CEMIP2: variants seen among roughly 807,000 people sequenced by gnomAD.
CEMIP2 encodes the protein cell surface hyaluronidase CEMIP2.
CEMIP2 carries 79 observed loss-of-function variants against 146.9 expected under a neutral mutation model. That is an observed-to-expected ratio of 0.54 (90% CI 0.45 to 0.65). The LOEUF is 0.65. Among genes scored for constraint, CEMIP2 ranks in the 30% least tolerant of loss-of-function variants. CEMIP2 has a pLI of 0.00. For synonymous variants in CEMIP2, 601 were observed against 606.3 expected (o/e 0.99, Z 0.13); for missense variants, 1,596 against 1,696.2 (o/e 0.94, Z 1.04).
chr9:71,727,080 G>A (rs890217871), intron 10 of CEMIP2, among the ~76,000 whole-genome samples: 4 of 152,144 alleles, frequency 2.6e-5, no homozygotes, highest in African/African-American at 4.8e-5. Context: ...AGCTTTTACC[G>A]GAACAGTTTT....
At chr9:71,721,271 ATTCT>A (rs1823223571) in intron 12 of CEMIP2, among the ~76,000 whole-genome samples, 1 of 152,146 alleles carries the variant, frequency 6.6e-6, no homozygotes, top group East Asian at 1.9e-4. Context: ...TCTAGATAGA[ATTCT>A]TTATTTGCCA....
At chr9:71,739,969 G>C in intron 5 of CEMIP2, 94 bp downstream of exon 5, 1 of 1,170,282 alleles carries the variant, frequency 8.5e-7, no homozygotes, top group Non-Finnish European at 1.2e-6. Context: ...TAACCAGGCG[G>C]ACTGTCATTT....
Position 71,686,062 on chromosome 9 carries a change from C to T in CEMIP2, c.3852-216G>A, listed in dbSNP as rs554461740. On this transcript the variant is annotated intron_variant, in intron 22 of 23. Transcript: ENST00000377044. The stretch of plus-strand genomic sequence containing the variant: ...TTGCTCTTACAAGGGGTAACGCATA[C>T]ATAAACCAAATCATTTACGTACGTT... 9.7e-6 allele frequency: 5 copies of T among 514,580 alleles called. No homozygotes were observed. In the Admixed American group the frequency reaches 1.0e-4, roughly 10 times the overall value. The allele number at this position is 514,580 out of a possible 1,614,324, so 31.9% of individuals were successfully genotyped here. A position where few individuals can be genotyped will look rare whatever the true frequency, so the allele number is the denominator to read the frequency against.
intron 5 of CEMIP2, 63 bp downstream of exon 5, chr9:71,740,000 A>G (rs1400480820): frequency 2.7e-5 from 35 of 1,297,104 alleles, no homozygotes; most frequent in Admixed American, 4.7e-5. Flanking sequence ...CTATTCTTAG[A>G]AAAAAAAAAT....
At position 71,694,572 on chromosome 9, in the gene CEMIP2, G is replaced by A; in HGVS notation, c.3633C>T (p.Leu1211=). ...TATCAGGTGACTGGAATTGCACAGG[G>A]AGGTAACTTTTATGAGGATCACTAG... ...VFTSDPHKSY[L]PVQFQSPDKA... Residue 1211 remains leucine (L), a synonymous_variant, in exon 21 of 24, where the codon CTC becomes CTT. Coordinates refer to ENST00000377044, the MANE Select transcript of CEMIP2 (RefSeq NM_013390.3). 2 of 1,613,930 alleles carry A rather than the reference G, an allele frequency of 1.2e-6. No homozygotes were observed. Among genetic ancestry groups the A allele is most frequent in the East Asian group, 4.5e-5 (2 of 44,860 alleles).
chr9:71,735,913 C>T (rs562267135), intron 5 of CEMIP2, among the ~76,000 whole-genome samples: 4 of 152,122 alleles, frequency 2.6e-5, no homozygotes, highest in South Asian at 4.2e-4. Flanking sequence ...AGCAACAGAG[C>T]GAGGCCCCAT....
intron 1 of CEMIP2, among the ~76,000 whole-genome samples, chr9:71,762,092 G>A (rs1351736896): frequency 6.6e-6 from 1 of 152,066 alleles, no homozygotes; most frequent in South Asian, 2.1e-4. Flanking sequence ...CTTTGAAAGG[G>A]TGTCACCTGC....
intron 10 of CEMIP2, among the ~76,000 whole-genome samples, chr9:71,728,231 C>CTCTATATATATA (rs1554684626): frequency 2.0e-4 from 3 of 14,778 alleles, no homozygotes; most frequent in African/African-American, 6.8e-4. Context: ...CTCTCTCTCT[C>CTCTATATATATA]TATATATATA....
intron 17 of CEMIP2, 65 bp downstream of exon 17, chr9:71,709,194 T>A (rs1822835138): frequency 1.4e-6 from 2 of 1,465,468 alleles, no homozygotes; most frequent in Non-Finnish European, 1.9e-6. Flanking sequence ...GAAGAGTACT[T>A]CTCACAGAAG....
chr9:71,740,289 C>T (rs2131992420), intron 4 of CEMIP2, 57 bp from the exon 5 acceptor site: 2 of 1,580,012 alleles, frequency 1.3e-6, no homozygotes, highest in South Asian at 2.2e-5. Flanking sequence ...CACAAAATCC[C>T]TGACAAAGAT....
At chr9:71,696,304 A>G (rs951982520) in intron 20 of CEMIP2, among the ~76,000 whole-genome samples, 1 of 152,210 alleles carries the variant, frequency 6.6e-6, no homozygotes, top group African/African-American at 2.4e-5. Flanking sequence ...TGTCACTTTA[A>G]CAGTCAGATT....
chr9:71,737,661 G>A (rs560766270), intron 5 of CEMIP2, among the ~76,000 whole-genome samples: 3 of 152,062 alleles, frequency 2.0e-5, no homozygotes, highest in East Asian at 3.9e-4. Context: ...ATGAGTCACC[G>A]TACCCGGCTC....
intron 18 of CEMIP2, among the ~76,000 whole-genome samples, chr9:71,703,163 G>C (rs1822624454): frequency 1.3e-5 from 2 of 152,178 alleles, no homozygotes; most frequent in Admixed American, 6.5e-5. Flanking sequence ...AGATGGTGAG[G>C]GCTTGACTTA....
intron 11 of CEMIP2, among the ~76,000 whole-genome samples, chr9:71,725,290 G>T (rs1404865042): frequency 1.3e-5 from 2 of 152,144 alleles, no homozygotes; most frequent in Admixed American, 1.3e-4. Context: ...ATGGATTAAT[G>T]CTGATTATAA....
intron 12 of CEMIP2, among the ~76,000 whole-genome samples, chr9:71,720,376 C>T (rs542122730): frequency 1.3e-5 from 2 of 152,256 alleles, no homozygotes; most frequent in South Asian, 2.1e-4. Context: ...CTGCAACCTC[C>T]ACCTCCAGGG....
chr9:71,745,632 CAAG>C, intron 3 of CEMIP2, 53 bp from the exon 4 acceptor site: 1 of 1,487,828 alleles, frequency 6.7e-7, no homozygotes, highest in Non-Finnish European at 9.0e-7. Flanking sequence ...TTCTGAGATA[CAAG>C]GAAATAGATT....
chr9:71,699,322 G>T, intron 19 of CEMIP2: 1 of 356,544 alleles, frequency 2.8e-6, no homozygotes, highest in Non-Finnish European at 5.7e-6. Flanking sequence ...TGCTGGGTGT[G>T]GTGGCAGCAG....
chr9:71,750,233 G>T lies in CEMIP2; in HGVS notation c.141C>A (p.Ala47=), dbSNP rs544221573. The T allele has an allele frequency of 1.1e-5, 18 of 1,614,048 alleles. No individual in the cohort carries two copies. In the African/African-American group the frequency reaches 1.9e-4, roughly 17 times the overall value. The change falls in exon 2 of 24, where the codon GCC becomes GCA. Residue 47 remains alanine, a synonymous_variant. Coordinates refer to ENST00000377044, the MANE Select transcript of CEMIP2 (RefSeq NM_013390.3). ...PPPPPKSQAS[A]KFTSIRREDR... is the part of the protein sequence containing the mutation. ...CTTCTCGTCTGATGGAGGTAAATTT[G>T]GCTGAAGCTTGACTCTTTGGAGGAG...
chr9:71,693,495 A>G (rs1212933740), intron 21 of CEMIP2, among the ~76,000 whole-genome samples: 1 of 152,208 alleles, frequency 6.6e-6, no homozygotes, highest in Non-Finnish European at 1.5e-5. Flanking sequence ...AGAAGAGGCA[A>G]CCTTAAAATA....
Sources: allele counts gnomAD v4.1 joint callset (sites outside exome capture counted in the v4.1 genomes callset), GRCh38; gene constraint gnomAD v4.1.1; transcripts MANE v1.5; gene names NCBI Gene and HGNC (gene_info 2026-07-23, HGNC 2026-07-21).